EBF1: variants seen among roughly 807,000 people sequenced by gnomAD.
EBF1 encodes EBF transcription factor 1.
EBF1 carries 10 observed loss-of-function variants against 68.4 expected under a neutral mutation model. The ratio of observed to expected loss-of-function variants is 0.15; its 90% confidence interval spans 0.09 to 0.25. The LOEUF is 0.25. Among genes scored for constraint, EBF1 ranks in the 10% least tolerant of loss-of-function variants. EBF1 has a pLI of 1.00. For missense variants in EBF1, 509 were observed against 794.4 expected, an observed-to-expected ratio of 0.64 and a Z score of 4.32; for synonymous variants, 298 against 299.8, an observed-to-expected ratio of 0.99 and a Z score of 0.06.
At chr5:158,992,338 A>G (rs910302491) in intron 6 of EBF1, among the ~76,000 whole-genome samples, 1 of 150,140 alleles carries the variant, frequency 6.7e-6, no homozygotes, top group Non-Finnish European at 1.5e-5. Flanking sequence ...TTTTTTTTTC[A>G]TCAGAATTAA....
At chr5:158,946,230 C>G (rs1228580256) in intron 6 of EBF1, among the ~76,000 whole-genome samples, 1 of 152,102 alleles carries the variant, frequency 6.6e-6, no homozygotes, top group Non-Finnish European at 1.5e-5. Flanking sequence ...CCCTTGCTGG[C>G]GAGCAGTTGT....
At chr5:159,016,772 G>A (rs145778267) in intron 6 of EBF1, among the ~76,000 whole-genome samples, 3 of 152,136 alleles carry the variant, frequency 2.0e-5, no homozygotes, top group African/African-American at 4.8e-5. Context: ...TCTATCCTTG[G>A]ATCAAAACTG....
intron 11 of EBF1, among the ~76,000 whole-genome samples, chr5:158,719,807 T>G (rs1055204527): frequency 1.3e-5 from 2 of 152,136 alleles, no homozygotes; most frequent in African/African-American, 4.8e-5. Flanking sequence ...CTCTGGGAAC[T>G]CCGCCCATAA....
In EBF1 at chr5:158,986,269, T is replaced by C. The variant is rs181583966; in HGVS notation, c.554+87127A>G. The C allele has an allele frequency of 1.9e-4, 29 of 152,326 alleles. 1 individual carries two copies. The highest frequency in any genetic ancestry group is 1.9e-3 in the Admixed American group (29 of 15,306). 9.4% of individuals were successfully genotyped at this position (152,326 alleles called of 1,614,324 possible). On this transcript the variant is annotated intron_variant, in intron 6 of 15. Transcript: ENST00000313708. ...TACTTCTTAGTATAATAGGTGGAAG[T>C]AAATGCTGATGACAAGTCCTGGATG...
At chr5:158,875,010 G>GAATGA (rs1284084529) in intron 6 of EBF1, among the ~76,000 whole-genome samples, 1 of 151,006 alleles carries the variant, frequency 6.6e-6, no homozygotes, top group African/African-American at 2.4e-5. Flanking sequence ...ACAGCTCTCA[G>GAATGA]AATGAATCAT....
intron 6 of EBF1, among the ~76,000 whole-genome samples, chr5:158,907,608 T>A (rs1804940970): frequency 6.6e-6 from 1 of 152,198 alleles, no homozygotes; most frequent in Non-Finnish European, 1.5e-5. Flanking sequence ...GGTGTCCTGG[T>A]CCCATGAAAT....
chr5:158,977,387 A>C (rs1165741169), intron 6 of EBF1, among the ~76,000 whole-genome samples: 3 of 152,228 alleles, frequency 2.0e-5, no homozygotes, highest in African/African-American at 7.2e-5. Context: ...AGTACACGTA[A>C]AGGGTTTCTT....
At chr5:158,779,532 A>T (rs1038149715) in intron 9 of EBF1, among the ~76,000 whole-genome samples, 14 of 152,136 alleles carry the variant, frequency 9.2e-5, no homozygotes, top group African/African-American at 3.4e-4. Flanking sequence ...GTGGTAAAGG[A>T]TGTTCCATGT....
At chr5:158,971,990 C>T (rs1755750958) in intron 6 of EBF1, among the ~76,000 whole-genome samples, 1 of 152,174 alleles carries the variant, frequency 6.6e-6, no homozygotes, top group Non-Finnish European at 1.5e-5. Context: ...GAATAATAAA[C>T]TATTTCTTCC....
intron 9 of EBF1, among the ~76,000 whole-genome samples, chr5:158,795,007 C>A (rs185314858): frequency 6.6e-6 from 1 of 152,090 alleles, no homozygotes; most frequent in Non-Finnish European, 1.5e-5. Context: ...AAATGCATAC[C>A]CCTTGTTTGC....
intron 6 of EBF1, among the ~76,000 whole-genome samples, chr5:159,068,462 T>C (rs149734644): frequency 1.2e-3 from 186 of 152,226 alleles, no homozygotes; most frequent in African/African-American, 4.1e-3. Flanking sequence ...GTTTTCCTAT[T>C]ATACATATGG....
At chr5:158,707,898 T>TG in intron 15 of EBF1, 81 bp downstream of exon 15, 1 of 1,440,228 alleles carries the variant, frequency 6.9e-7, no homozygotes, top group East Asian at 2.5e-5. Flanking sequence ...CCCTCAGCAA[T>TG]GGTGATGCAT....
At chr5:158,935,962 C>A (rs1315469940) in intron 6 of EBF1, among the ~76,000 whole-genome samples, 1 of 152,142 alleles carries the variant, frequency 6.6e-6, no homozygotes, top group East Asian at 1.9e-4. Context: ...TCCCTCTGCT[C>A]CTCAATAGCC....
chr5:158,728,822 C>T (rs1429162128), intron 11 of EBF1, among the ~76,000 whole-genome samples: 1 of 152,188 alleles, frequency 6.6e-6, no homozygotes, highest in African/African-American at 2.4e-5. Flanking sequence ...ACCTCTGCTT[C>T]CCAAATTGCT....
intron 7 of EBF1, among the ~76,000 whole-genome samples, chr5:158,829,074 G>T (rs924900661): frequency 8.5e-5 from 13 of 152,180 alleles, no homozygotes; most frequent in Non-Finnish European, 1.8e-4. Context: ...GATTTTTAGA[G>T]CAGTGAAACC....
At chr5:159,099,301 C>T (rs1783218861) in intron 1 of EBF1, 44 bp downstream of exon 1, 2 of 1,428,006 alleles carry the variant, frequency 1.4e-6, no homozygotes, top group Non-Finnish European at 1.8e-6. Flanking sequence ...CCCGGCTCTC[C>T]CGCTCGCGGC....
At chr5:158,970,428 C>T (rs1445101670) in intron 6 of EBF1, among the ~76,000 whole-genome samples, 1 of 152,146 alleles carries the variant, frequency 6.6e-6, no homozygotes, top group African/African-American at 2.4e-5. Flanking sequence ...TGCCAAATTA[C>T]ACACTAAAAT....
Position 158,807,663 on chromosome 5 carries a change from T to C in EBF1, c.779-11188A>G, listed in dbSNP as rs10074083. ...TTCTGCAATCATTGAACTAATACTG[T>C]CACTGACTTACCAAACAATAAACAT... On this transcript the variant is annotated intron_variant, in intron 8 of 15. Coordinates refer to ENST00000313708, the MANE Select transcript of EBF1 (RefSeq NM_024007.5). 7.5e-3 allele frequency among the ~76,000 whole-genome samples: 1,143 copies of C among 152,248 alleles called. 21 individuals carry two copies. Among genetic ancestry groups the C allele is most frequent in the African/African-American group, 0.026 (1,086 of 41,564 alleles).
At chr5:158,710,306 C>T (rs373593331) in intron 14 of EBF1, among the ~76,000 whole-genome samples, 3 of 152,144 alleles carry the variant, frequency 2.0e-5, no homozygotes, top group South Asian at 2.1e-4. Context: ...CAGGCTGAAG[C>T]GGCTGAGTGT....
Sources: allele counts gnomAD v4.1 joint callset (sites outside exome capture counted in the v4.1 genomes callset), GRCh38; gene constraint gnomAD v4.1.1; transcripts MANE v1.5; gene names NCBI Gene and HGNC (gene_info 2026-07-23, HGNC 2026-07-21).